ADGRF5: variants seen among roughly 807,000 people sequenced by gnomAD.
The protein encoded by ADGRF5 is adhesion G protein-coupled receptor F5, also known as G-protein coupled receptor 116.
ADGRF5 carries 75 observed loss-of-function variants against 132.3 expected under a neutral mutation model. The ratio of observed to expected loss-of-function variants is 0.57; its 90% confidence interval spans 0.47 to 0.69. ADGRF5 has a LOEUF of 0.69. Among genes scored for constraint, ADGRF5 ranks in the 30% least tolerant of loss-of-function variants. The pLI is 0.00. For synonymous variants in ADGRF5, 629 were observed against 597.6 expected, an observed-to-expected ratio of 1.05 and a Z score of -0.77; for missense variants, 1,516 against 1,630.6, an observed-to-expected ratio of 0.93 and a Z score of 1.21.
At chr6:46,883,691 T>G in intron 5 of ADGRF5, 26 bp from the exon 6 acceptor site, 2 of 1,180,320 alleles carry the variant, frequency 1.7e-6, no homozygotes, top group Non-Finnish European at 2.5e-6. Flanking sequence ...GGGCAATATT[T>G]AAAAATATGT....
At position 46,912,949 on chromosome 6, in the gene ADGRF5, C is replaced by T. The variant is rs530474533; in HGVS notation, c.-24-6163G>A. On this transcript the variant is annotated intron_variant, in intron 1 of 20. Transcript: ENST00000283296. The stretch of plus-strand genomic sequence containing the variant: ...ATAGAAGCAACATTCTATAAAATCC[C>T]CAGCAAGACTGTGTCTTGTTACAGT... 2.2e-3 allele frequency among the ~76,000 whole-genome samples: 330 copies of T among 152,290 alleles called. 2 individuals are homozygous for T. The highest frequency in any genetic ancestry group is 7.8e-3 in the African/African-American group (323 of 41,556).
At position 46,886,218 on chromosome 6, in the gene ADGRF5, T is replaced by G. The variant is rs759491978; in HGVS notation, c.329-1947A>C. ...AGGGAAGTTATCAAATAGTTGTTTCTGAAATAGGAGGGACAACACGTTCGA... is the reference window on the plus strand; with the variant it reads ...AGGGAAGTTATCAAATAGTTGTTTCGGAAATAGGAGGGACAACACGTTCGA... On this transcript the variant is annotated intron_variant, in intron 4 of 20. Transcript: ENST00000283296. 2.0e-5 allele frequency among the ~76,000 whole-genome samples: 3 copies of G among 152,204 alleles called. No homozygotes were observed. In the South Asian group the frequency reaches 6.2e-4, roughly 31 times the overall value.
At chr6:46,866,426 TA>T (rs1413151511) in intron 13 of ADGRF5, among the ~76,000 whole-genome samples, 1 of 152,152 alleles carries the variant, frequency 6.6e-6, no homozygotes, top group African/African-American at 2.4e-5. Flanking sequence ...TCTGGAGCCT[TA>T]AAACCCAAGG....
At chr6:46,877,287 CTT>C (rs879318176) in intron 10 of ADGRF5, among the ~76,000 whole-genome samples, 3,409 of 52,402 alleles carry the variant, frequency 0.065, 57 homozygotes, top group Middle Eastern at 0.12. Context: ...TTCTTTCTTT[CTT>C]TCTCTCTCTC....
chr6:46,905,753 CA>C (rs1422952525), intron 2 of ADGRF5, among the ~76,000 whole-genome samples: 1 of 151,860 alleles, frequency 6.6e-6, no homozygotes, highest in East Asian at 1.9e-4. Flanking sequence ...CAATGACTGA[CA>C]AAAAAATAGA....
At chr6:46,916,794 T>A (rs1776454264) in intron 1 of ADGRF5, among the ~76,000 whole-genome samples, 1 of 152,238 alleles carries the variant, frequency 6.6e-6, no homozygotes, top group African/African-American at 2.4e-5. Context: ...CACCACGACC[T>A]AATGTAAAAT....
chr6:46,858,875 T>C lies in ADGRF5; in HGVS notation c.3028A>G (p.Ile1010Val), dbSNP rs1769371653. Residue 1010 changes from isoleucine to valine, a missense_variant, in exon 17 of 21, where the codon ATA (isoleucine) becomes GTA (valine). Ile to Val is a conservative substitution (Grantham distance 29). Transcript: ENST00000283296. ...DSPDPSSLLG[I>V]LLDIISYVGV... ...ACATAAGAAATAATATCCAGGAGTATTCCCAGGAGAGAACTAGGATCTGGG... is the reference window on the plus strand; with the variant it reads ...ACATAAGAAATAATATCCAGGAGTACTCCCAGGAGAGAACTAGGATCTGGG... 1.9e-6 allele frequency: 3 copies of C among 1,613,894 alleles called. No homozygotes were observed. In the South Asian group the frequency reaches 3.3e-5, roughly 18 times the overall value.
chr6:46,902,164 G>A (rs981877277), intron 2 of ADGRF5, among the ~76,000 whole-genome samples: 1 of 152,254 alleles, frequency 6.6e-6, no homozygotes, highest in Non-Finnish European at 1.5e-5. Context: ...ACTGTTTCCA[G>A]CCCAGCTTCC....
At chr6:46,941,426 GAA>G (rs1249035730) in intron 1 of ADGRF5, among the ~76,000 whole-genome samples, 1 of 43,180 alleles carries the variant, frequency 2.3e-5, no homozygotes, top group Admixed American at 3.3e-4. Context: ...GAAAAGAAAA[GAA>G]AAGAAAAGAA....
At chr6:46,888,162 T>C in intron 4 of ADGRF5, 173 bp downstream of exon 4, 4 of 563,912 alleles carry the variant, frequency 7.1e-6, no homozygotes, top group South Asian at 2.5e-5. Flanking sequence ...CTGCAGAGTT[T>C]ACTGATAGAG....
Position 46,863,043 on chromosome 6 carries a change from C to T in ADGRF5, c.2044G>A (p.Val682Ile), listed in dbSNP as rs1459745322. 1.2e-6 allele frequency: 2 copies of T among 1,614,074 alleles called. No individual in the cohort carries two copies. The highest frequency in any genetic ancestry group is 1.1e-5 in the South Asian group (1 of 91,070). Residue 682 changes from valine to isoleucine, a missense_variant, in exon 15 of 21, where the codon GTC becomes ATC. By Grantham distance (29) the Val-to-Ile change is conservative (BLOSUM62 3). Around this residue, in one of 2 missense-constraint regions of ADGRF5, gnomAD observed 945 missense variants for 929.4 expected, o/e 1.02. Transcript: ENST00000283296. ...PVIGVGEPGKVIQKLCRFSNV... is the reference protein window; with the variant it reads ...PVIGVGEPGKIIQKLCRFSNV... ...GAGAACCGGCATAGCTTCTGGATGA[C>T]TTTCCCCGGCTCTCCGACACCTATT...
intron 1 of ADGRF5, among the ~76,000 whole-genome samples, chr6:46,948,510 GTGTGTA>G (rs1363756091): frequency 6.8e-6 from 1 of 147,310 alleles, no homozygotes; most frequent in South Asian, 2.1e-4. Context: ...GTGTGTGTGT[GTGTGTA>G]TGTGTGTGTT....
At chr6:46,935,017 T>C (rs944247327) in intron 1 of ADGRF5, among the ~76,000 whole-genome samples, 1 of 146,626 alleles carries the variant, frequency 6.8e-6, no homozygotes, top group African/African-American at 2.5e-5. Flanking sequence ...TTTTTTTTTT[T>C]TTTTGAGACG....
rs1044338311 is a variant in ADGRF5 at position 46,864,963 on chromosome 6, G to C, written c.1990+79C>G. 5.6e-5 allele frequency: 52 copies of C among 921,642 alleles called. No individual in the cohort carries two copies. The African/African-American group carries it at 5.7e-4, about 10-fold the overall frequency. 57.1% of individuals were successfully genotyped at this position (921,642 alleles called of 1,614,324 possible). A position where few individuals can be genotyped will look rare whatever the true frequency, so the allele number is the denominator to read the frequency against. On this transcript the variant is annotated intron_variant, in intron 14 of 20. Coordinates refer to ENST00000283296, the MANE Select transcript of ADGRF5 (RefSeq NM_001098518.2). The stretch of plus-strand genomic sequence containing the variant: ...GTATTTAACATATGTTTATTGAATG[G>C]GGATGAATGAGGGAGTGAATAAATA...
chr6:46,895,662 C>T (rs1283349379), intron 3 of ADGRF5, among the ~76,000 whole-genome samples: 1 of 150,574 alleles, frequency 6.6e-6, no homozygotes, highest in Non-Finnish European at 1.5e-5. Context: ...GCTGTTTTGC[C>T]TCTCCTCAGT....
intron 20 of ADGRF5, 136 bp downstream of exon 20, chr6:46,855,837 TC>T: frequency 1.6e-6 from 1 of 637,878 alleles, no homozygotes; most frequent in Non-Finnish European, 2.8e-6. Flanking sequence ...TGTAAGTTCC[TC>T]TATTTAACCT....
chr6:46,854,066 AC>A lies in ADGRF5; in HGVS notation c.3966del (p.Tyr1323IlefsTer33). On this transcript the variant is annotated frameshift_variant, in exon 21 of 21. Transcript: ENST00000283296. LOFTEE classifies it high-confidence loss of function. ...RFNNLFGKTGTYNVSTPEATS... is the reference protein window; with the variant it reads ...RFNNLFGKTGXYNVSTPEATS... The stretch of plus-strand genomic sequence containing the variant: ...GTTGCTTCTGGGGTGGAAACATTAT[AC>A]GTTCCTGAAAAACAGAGCAGCAACT... The A allele has an allele frequency of 6.3e-7, 1 of 1,595,322 alleles. No homozygotes were observed. The highest frequency in any genetic ancestry group is 8.5e-7 in the Non-Finnish European group (1 of 1,173,118).
At chr6:46,920,045 A>C (rs1169544949) in intron 1 of ADGRF5, among the ~76,000 whole-genome samples, 1 of 152,204 alleles carries the variant, frequency 6.6e-6, no homozygotes, top group East Asian at 1.9e-4. Flanking sequence ...TATCCACTGA[A>C]TAAAAGGGCA....
At chr6:46,937,039 T>C (rs1279427796) in intron 1 of ADGRF5, among the ~76,000 whole-genome samples, 2 of 152,232 alleles carry the variant, frequency 1.3e-5, no homozygotes, top group African/African-American at 2.4e-5. Flanking sequence ...GGCTGCTCAA[T>C]GCTGTCGGTT....
Sources: gnomAD v4.1 joint callset for allele counts (sites outside exome capture counted in the v4.1 genomes callset) on GRCh38, gnomAD v4.1.1 for gene constraint, gnomAD v4.1.1 regional missense constraint, MANE v1.5 for transcripts, NCBI Gene and HGNC (gene_info 2026-07-23, HGNC 2026-07-21) for gene names.